The following CUL4A variants were observed in gnomAD, a reference collection of about 807,000 sequenced individuals.
CUL4A encodes the protein cullin-4A.
Under a neutral mutation model 95.5 loss-of-function variants are expected in CUL4A, and 16 were observed. The observed-to-expected ratio is 0.17, with a 90% confidence interval of 0.11 to 0.25. The LOEUF (loss-of-function observed/expected upper bound fraction) is 0.25. CUL4A is among the 10% of genes least tolerant of loss of function. CUL4A has a pLI of 1.00. For synonymous variants in CUL4A, 380 were observed against 353.1 expected, an observed-to-expected ratio of 1.08 and a Z score of -0.85; for missense variants, 610 against 937.0, an observed-to-expected ratio of 0.65 and a Z score of 4.56.
chr13:113,230,363 C>T (rs564284947), intron 5 of CUL4A, among the ~76,000 whole-genome samples: 32 of 152,262 alleles, frequency 2.1e-4, no homozygotes, highest in African/African-American at 6.7e-4. Context: ...GTTACCAAAT[C>T]CAGCAAGCAT....
At chr13:113,247,444 T>A (rs1481491687) in intron 15 of CUL4A, among the ~76,000 whole-genome samples, 1 of 152,212 alleles carries the variant, frequency 6.6e-6, no homozygotes, top group Non-Finnish European at 1.5e-5. Context: ...GTCTTATGAC[T>A]TAACTATCAG....
chr13:113,252,903 A>C (rs945482441), intron 15 of CUL4A, among the ~76,000 whole-genome samples, 179 bp from the exon 16 acceptor site: 1 of 152,236 alleles, frequency 6.6e-6, no homozygotes, highest in Non-Finnish European at 1.5e-5. Flanking sequence ...GACACTGAGA[A>C]GCCCCAAAGT....
At chr13:113,254,188 T>A (rs1486293412) in intron 16 of CUL4A, among the ~76,000 whole-genome samples, 1 of 151,640 alleles carries the variant, frequency 6.6e-6, no homozygotes, top group Non-Finnish European at 1.5e-5. Flanking sequence ...ACCCAAACTC[T>A]CATGTGCCTC....
chr13:113,254,009 T>C (rs991594791), intron 16 of CUL4A, among the ~76,000 whole-genome samples: 11 of 152,206 alleles, frequency 7.2e-5, no homozygotes, highest in Admixed American at 7.2e-4. Context: ...GGAAAGTTAA[T>C]TTCTATTATC....
chr13:113,244,634 A>G, intron 12 of CUL4A, 120 bp downstream of exon 12: 1 of 724,340 alleles, frequency 1.4e-6, no homozygotes, highest in Non-Finnish European at 2.4e-6. Context: ...CATTAGAATG[A>G]ACACTTTTCA....
intron 3 of CUL4A, among the ~76,000 whole-genome samples, chr13:113,221,613 C>T (rs2040901043): frequency 6.6e-6 from 1 of 152,082 alleles, no homozygotes; most frequent in Non-Finnish European, 1.5e-5. Context: ...GAGTCTTGCT[C>T]TGTCACCCAG....
intron 2 of CUL4A, among the ~76,000 whole-genome samples, chr13:113,215,890 T>A (rs2040664844): frequency 7.5e-6 from 1 of 133,358 alleles, no homozygotes; most frequent in Non-Finnish European, 1.6e-5. Flanking sequence ...GGAGGTCGCG[T>A]GTGTGACTAT....
chr13:113,230,713 C>G (rs1395163898), intron 5 of CUL4A, among the ~76,000 whole-genome samples: 1 of 152,150 alleles, frequency 6.6e-6, no homozygotes, highest in Non-Finnish European at 1.5e-5. Flanking sequence ...GTTAAAATAA[C>G]TTGCCCTACC....
chr13:113,217,739 C>A (rs933008843), intron 2 of CUL4A, among the ~76,000 whole-genome samples: 4 of 152,100 alleles, frequency 2.6e-5, no homozygotes, highest in Admixed American at 1.3e-4. Flanking sequence ...TTCTGTATAT[C>A]CCCACATTTT....
intron 5 of CUL4A, 87 bp downstream of exon 5, chr13:113,229,606 A>G: frequency 1.8e-6 from 2 of 1,103,242 alleles, no homozygotes; most frequent in South Asian, 1.3e-5. Flanking sequence ...TAAGATGGTA[A>G]AGTGTGTGTG....
chr13:113,238,093 C>T (rs1399800590), intron 9 of CUL4A, among the ~76,000 whole-genome samples: 1 of 152,110 alleles, frequency 6.6e-6, no homozygotes, highest in Non-Finnish European at 1.5e-5. Context: ...CACCTAAAAA[C>T]AAATGCATTC....
chr13:113,254,035 A>G (rs1023758148), intron 16 of CUL4A, among the ~76,000 whole-genome samples: 1 of 152,140 alleles, frequency 6.6e-6, no homozygotes, highest in Non-Finnish European at 1.5e-5. Context: ...TTTTTTACCT[A>G]CTTGCTGACT....
chr13:113,240,753 T>G (rs1457536988), intron 10 of CUL4A, among the ~76,000 whole-genome samples: 2 of 152,120 alleles, frequency 1.3e-5, no homozygotes, highest in Admixed American at 6.5e-5. Flanking sequence ...GGAGGTAGCC[T>G]TCTGCGGGAA....
At chr13:113,236,202 C>CT (rs2041539228) in intron 8 of CUL4A, among the ~76,000 whole-genome samples, 1 of 152,128 alleles carries the variant, frequency 6.6e-6, no homozygotes, top group Non-Finnish European at 1.5e-5. Flanking sequence ...GATTTGGTCA[C>CT]TTAGACGTGT....
Position 113,259,169 on chromosome 13 carries a change from G to A in CUL4A, c.2032-1438G>A, listed in dbSNP as rs576894917. 5.3e-5 allele frequency among the ~76,000 whole-genome samples: 8 copies of A among 152,234 alleles called. No homozygotes were observed. In the South Asian group the frequency reaches 6.2e-4, roughly 12 times the overall value. ...TCCAGCTCATCTACAAATAATGATCGTTTTGTCTGCACCTTTTCAATATAC... is the reference window on the plus strand; with the variant it reads ...TCCAGCTCATCTACAAATAATGATCATTTTGTCTGCACCTTTTCAATATAC... On this transcript the variant is annotated intron_variant, in intron 18 of 19. Transcript: ENST00000375440.
At chr13:113,244,782 G>T (rs989422038) in intron 12 of CUL4A, among the ~76,000 whole-genome samples, 167 bp from the exon 13 acceptor site, 3 of 151,824 alleles carry the variant, frequency 2.0e-5, no homozygotes, top group Non-Finnish European at 4.4e-5. Flanking sequence ...GGAGCTTGCA[G>T]TGAGCCGAGA....
At chr13:113,262,878 C>T (rs2042321943) in intron 19 of CUL4A, 1 of 118,780 alleles carries the variant, frequency 8.4e-6, no homozygotes, top group Non-Finnish European at 1.7e-5. Flanking sequence ...TATACGTGCC[C>T]TTGCTGATGG....
At chr13:113,214,935 T>G (rs2040589993) in intron 2 of CUL4A, among the ~76,000 whole-genome samples, 1 of 151,616 alleles carries the variant, frequency 6.6e-6, no homozygotes, top group Non-Finnish European at 1.5e-5. Flanking sequence ...TGGAGGTCGC[T>G]GTGTGACTGT....
At position 113,209,701 on chromosome 13, in the gene CUL4A, C is replaced by G; in HGVS notation, c.74C>G (p.Ala25Gly). The part of the protein sequence containing the change: ...VGRTNGLTKP[A>G]ALAAAPAKPG... ...CGCACCAACGGCCTCACCAAGCCCG[C>G]GGCCCTGGCCGCCGCGCCCGCCAAG... The change falls in exon 1 of 20, where the codon GCG (alanine) becomes GGG (glycine). Residue 25 changes from alanine (A) to glycine (G), a missense_variant. Physicochemically the swap from Ala to Gly is moderately conservative, Grantham distance 60. Around this residue, in one of 10 missense-constraint regions of CUL4A, gnomAD observed 168 missense variants for 185.5 expected, o/e 0.91. Transcript: ENST00000375440. 1 of 1,154,154 alleles carries G rather than the reference C, an allele frequency of 8.7e-7. No homozygotes were observed. The highest frequency in any genetic ancestry group is 1.1e-6 in the Non-Finnish European group (1 of 938,838). 71.5% of individuals were successfully genotyped at this position (1,154,154 alleles called of 1,614,324 possible).
Sources: gnomAD v4.1 joint callset for allele counts (sites outside exome capture counted in the v4.1 genomes callset) on GRCh38, gnomAD v4.1.1 for gene constraint, gnomAD v4.1.1 regional missense constraint, MANE v1.5 for transcripts, NCBI Gene and HGNC (gene_info 2026-07-23, HGNC 2026-07-21) for gene names.